SNX29: variants seen among roughly 807,000 people sequenced by gnomAD.
SNX29 encodes the protein sorting nexin 29, also known as sorting nexin-29.
A neutral mutation model predicts 102.1 loss-of-function variants in SNX29; 78 were observed. The observed-to-expected ratio is 0.76, with a 90% CI of 0.64 to 0.92. SNX29 has a LOEUF of 0.92. Ranked by LOEUF, SNX29 falls within the 40% of genes least tolerant of loss-of-function variation. The probability of loss-of-function intolerance (pLI) is 0.00; values close to 1 mark genes in which losing one functional copy is unlikely to be tolerated. For synonymous variants in SNX29, 580 were observed against 414.5 expected, an observed-to-expected ratio of 1.40 and a Z score of -4.85; for missense variants, 1,280 against 1,061.7, an observed-to-expected ratio of 1.21 and a Z score of -2.86.
intron 13 of SNX29, among the ~76,000 whole-genome samples, chr16:12,189,822 A>C (rs747459530): frequency 1.3e-5 from 2 of 152,076 alleles, no homozygotes; most frequent in Non-Finnish European, 2.9e-5. Context: ...AATGGATTAT[A>C]AGCTGAATCC....
chr16:12,563,544 C>T (rs550383669), intron 20 of SNX29, among the ~76,000 whole-genome samples: 3 of 152,242 alleles, frequency 2.0e-5, no homozygotes, highest in Admixed American at 6.5e-5. Flanking sequence ...TCTCCCACCA[C>T]TACCTGAGGG....
At chr16:12,420,501 T>C (rs2084829558) in intron 18 of SNX29, among the ~76,000 whole-genome samples, 1 of 152,168 alleles carries the variant, frequency 6.6e-6, no homozygotes, top group South Asian at 2.1e-4. Context: ...AGGCACATCC[T>C]GGTGTTGGCA....
intron 13 of SNX29, among the ~76,000 whole-genome samples, chr16:12,193,090 C>T (rs1365666520): frequency 6.6e-6 from 1 of 152,222 alleles, no homozygotes; most frequent in East Asian, 1.9e-4. Flanking sequence ...CTGCCTCAGC[C>T]TTCCTAAGTG....
At chr16:12,290,052 G>T (rs2079740208) in intron 15 of SNX29, among the ~76,000 whole-genome samples, 1 of 152,158 alleles carries the variant, frequency 6.6e-6, no homozygotes, top group Non-Finnish European at 1.5e-5. Flanking sequence ...GGGACTTGTT[G>T]CATTTAATGC....
chr16:12,475,930 G>C (rs1390328794), intron 18 of SNX29, among the ~76,000 whole-genome samples: 1 of 152,178 alleles, frequency 6.6e-6, no homozygotes, highest in African/African-American at 2.4e-5. Flanking sequence ...TTAGTATTAT[G>C]TATGATGATC....
chr16:12,568,570 C>G lies in SNX29; in HGVS notation c.2383C>G (p.Leu795Val), dbSNP rs1257531107. 13 of 1,608,286 alleles carry G rather than the reference C, an allele frequency of 8.1e-6. No individual in the cohort carries two copies. The highest frequency in any genetic ancestry group is 1.1e-5 in the Non-Finnish European group (13 of 1,179,850). ...CAAAGCAGCTTCCCGCTTCCCCAAA[C>G]TGTCCCGGGGTCAGCCCCGGGAGAC... ...RPKAASRFPK[L>V]SRGQPRETRN... Residue 795 changes from leucine to valine, a missense_variant, in exon 21 of 21, where the codon CTG becomes GTG. Coordinates refer to ENST00000566228, the MANE Select transcript of SNX29 (RefSeq NM_032167.5).
In SNX29 at chr16:12,572,494, G is replaced by T. The variant is rs191227558; in HGVS notation, c.*3865G>T. On this transcript the variant is annotated 3_prime_UTR_variant, in exon 21 of 21. Coordinates refer to ENST00000566228, the MANE Select transcript of SNX29 (RefSeq NM_032167.5). ...TGAGGACCAGTTCTTGGGGTTCCAGGCCTCGGCCTTCCTGCTCCACGTGCT... is the reference window on the plus strand; with the variant it reads ...TGAGGACCAGTTCTTGGGGTTCCAGTCCTCGGCCTTCCTGCTCCACGTGCT... 1.3e-4 allele frequency: 143 copies of T among 1,063,978 alleles called. 1 individual carries two copies. The African/African-American group carries it at 2.1e-3, about 16-fold the overall frequency. 65.9% of individuals were successfully genotyped at this position (1,063,978 alleles called of 1,614,324 possible). A position where few individuals can be genotyped will look rare whatever the true frequency, so the allele number is the denominator to read the frequency against.
At position 12,542,262 on chromosome 16, in the gene SNX29, A is replaced by G. The variant is rs184349861; in HGVS notation, c.2318+17421A>G. ...TGTTATTCCCTTTATAGATGAGGAA[A>G]TTGAGGCATGGAGAAATGGAGGAAC... On this transcript the variant is annotated intron_variant, in intron 20 of 20. Coordinates refer to ENST00000566228, the MANE Select transcript of SNX29 (RefSeq NM_032167.5). 2.5e-3 allele frequency among the ~76,000 whole-genome samples: 302 copies of G among 118,630 alleles called. 6 individuals carry two copies. Among genetic ancestry groups the G allele is most frequent in the Non-Finnish European group, 3.0e-3 (146 of 47,876 alleles). The allele number at this position is 118,630 out of a possible 152,430, so 77.8% of individuals were successfully genotyped here. A position where few individuals can be genotyped will look rare whatever the true frequency, so the allele number is the denominator to read the frequency against.
chr16:12,284,808 T>C (rs888720780), intron 15 of SNX29, among the ~76,000 whole-genome samples: 1 of 151,508 alleles, frequency 6.6e-6, no homozygotes, highest in Non-Finnish European at 1.5e-5. Flanking sequence ...CACTGCAACC[T>C]CTGCCTCCCA....
At chr16:12,120,568 C>G (rs1013858993) in intron 11 of SNX29, among the ~76,000 whole-genome samples, 4 of 152,168 alleles carry the variant, frequency 2.6e-5, no homozygotes, top group African/African-American at 9.7e-5. Flanking sequence ...AGAGACGCCT[C>G]TCACCCCTCC....
At chr16:12,522,351 C>G (rs1018951809) in intron 19 of SNX29, among the ~76,000 whole-genome samples, 2 of 152,126 alleles carry the variant, frequency 1.3e-5, no homozygotes, top group African/African-American at 2.4e-5. Context: ...TCAAGAAAGA[C>G]TCTTCTTGCC....
chr16:12,567,085 G>C (rs962622884), intron 20 of SNX29, among the ~76,000 whole-genome samples: 1 of 152,232 alleles, frequency 6.6e-6, no homozygotes, highest in African/African-American at 2.4e-5. Flanking sequence ...AGGGATCCTC[G>C]AGGGGAATGA....
chr16:12,187,198 G>A (rs1457443626), intron 13 of SNX29, among the ~76,000 whole-genome samples: 3 of 152,174 alleles, frequency 2.0e-5, no homozygotes. Flanking sequence ...ATGCCCCTGT[G>A]CATGTCCCCT....
At chr16:12,550,160 G>A (rs899463744) in intron 20 of SNX29, among the ~76,000 whole-genome samples, 1 of 152,192 alleles carries the variant, frequency 6.6e-6, no homozygotes, top group South Asian at 2.1e-4. Context: ...CGCATGTAGT[G>A]ATATGGAAAA....
At chr16:12,002,635 G>A (rs1051052324) in intron 2 of SNX29, among the ~76,000 whole-genome samples, 1 of 152,142 alleles carries the variant, frequency 6.6e-6, no homozygotes, top group Non-Finnish European at 1.5e-5. Flanking sequence ...TGTAATTATC[G>A]CCCGTGAAGA....
intron 15 of SNX29, among the ~76,000 whole-genome samples, chr16:12,355,838 C>A (rs141771354): frequency 1.5e-5 from 1 of 66,376 alleles, no homozygotes; most frequent in Non-Finnish European, 2.6e-5. Context: ...AGAGCGAGAT[C>A]TTATTAAAAA....
Position 12,568,805 on chromosome 16 carries a change from A to G in SNX29, c.*176A>G, listed in dbSNP as rs959281053. ...TTAAACTAATCAGTCTTCGAGCCGC[A>G]TGATACCGTGACCCGAGAGACCAAG... On this transcript the variant is annotated 3_prime_UTR_variant, in exon 21 of 21. Coordinates refer to ENST00000566228, the MANE Select transcript of SNX29 (RefSeq NM_032167.5). 164 of 1,025,906 alleles carry G rather than the reference A, an allele frequency of 1.6e-4. No individual in the cohort carries two copies. Among genetic ancestry groups the G allele is most frequent in the Non-Finnish European group, 2.1e-4 (152 of 726,064 alleles). 63.6% of individuals were successfully genotyped at this position (1,025,906 alleles called of 1,614,324 possible). A position where few individuals can be genotyped will look rare whatever the true frequency, so the allele number is the denominator to read the frequency against.
chr16:12,403,960 C>T (rs930683944), intron 18 of SNX29, among the ~76,000 whole-genome samples: 2 of 152,116 alleles, frequency 1.3e-5, no homozygotes, highest in Non-Finnish European at 2.9e-5. Flanking sequence ...ACCCCAGCAG[C>T]GCCAGGTTCT....
rs555389946 is a variant in SNX29, at chr16:12,211,066, C to T, written c.1678+11383C>T. On this transcript the variant is annotated intron_variant, in intron 14 of 20. Transcript: ENST00000566228. The stretch of plus-strand genomic sequence containing the variant: ...TTCCCACCACCTCCCTCACTTTTTA[C>T]ACAGACTCCAAAACCCCTGGGTGGT... Among the ~76,000 whole-genome samples the T allele has an allele frequency of 2.6e-5, 4 of 152,224 alleles. No homozygotes were observed. In the South Asian group the frequency reaches 8.3e-4, roughly 32 times the overall value.
Sources: allele counts gnomAD v4.1 joint callset (sites outside exome capture counted in the v4.1 genomes callset), GRCh38; gene constraint gnomAD v4.1.1; transcripts MANE v1.5; gene names NCBI Gene and HGNC (gene_info 2026-07-23, HGNC 2026-07-21).